NPY2R: variants seen among roughly 807,000 people sequenced by gnomAD.
The protein encoded by NPY2R is neuropeptide Y receptor Y2, also known as neuropeptide Y receptor type 2.
A neutral mutation model predicts 22.3 loss-of-function variants in NPY2R; 17 were observed. That is an observed-to-expected ratio of 0.76 (90% confidence interval 0.52 to 1.14). The LOEUF is 1.14. Ranked by LOEUF, NPY2R falls within the 50% of genes most tolerant of loss-of-function variation. The pLI is 0.00. For missense variants in NPY2R, 424 were observed against 467.9 expected (o/e 0.91, Z 0.87); for synonymous variants, 209 against 183.4 (o/e 1.14, Z -1.13).
the NPY2R span, among the ~76,000 whole-genome samples, chr4:155,185,350 T>A: frequency 6.6e-6 from 1 of 152,160 alleles, no homozygotes; most frequent in Non-Finnish European, 1.5e-5. Context: ...CATATATTTT[T>A]AATAAAAATT....
At chr4:155,181,672 C>A in the NPY2R span, among the ~76,000 whole-genome samples, 88 of 152,276 alleles carry the variant, frequency 5.8e-4, no homozygotes, top group South Asian at 1.5e-3. Flanking sequence ...CACTTATGCA[C>A]CAGAAAGTGG....
At position 155,215,961 on chromosome 4, in the gene NPY2R, A is replaced by G. The variant is rs755020232; in HGVS notation, c.*876A>G. 23 of 167,108 alleles carry G rather than the reference A, an allele frequency of 1.4e-4. No individual in the cohort carries two copies. Among genetic ancestry groups the G allele is most frequent in the Admixed American group, 2.6e-4 (4 of 15,288 alleles). 10.4% of individuals were successfully genotyped at this position (167,108 alleles called of 1,614,324 possible). On this transcript the variant is annotated 3_prime_UTR_variant, in exon 2 of 2. Coordinates refer to ENST00000329476, the MANE Select transcript of NPY2R (RefSeq NM_000910.4). ...TGGAGCTAAGTTTGTCTACACTAAA[A>G]TTTAAATCAGACTAGAGAATAATTT...
At chr4:155,186,424 A>G in the NPY2R span, among the ~76,000 whole-genome samples, 2 of 152,178 alleles carry the variant, frequency 1.3e-5, no homozygotes, top group Non-Finnish European at 2.9e-5. Flanking sequence ...AAAAAGCCAT[A>G]TAGCTGTGTT....
the NPY2R span, among the ~76,000 whole-genome samples, chr4:155,188,420 T>G: frequency 6.6e-6 from 1 of 152,158 alleles, no homozygotes; most frequent in Non-Finnish European, 1.5e-5. Flanking sequence ...AGGTGCATTG[T>G]CTGTAGACTC....
At chr4:155,191,429 C>A in the NPY2R span, among the ~76,000 whole-genome samples, 1 of 151,896 alleles carries the variant, frequency 6.6e-6, no homozygotes, top group Admixed American at 6.6e-5. Context: ...AACCAGAAGA[C>A]TTTTCTTTCT....
At chr4:155,180,182 A>G in the NPY2R span, among the ~76,000 whole-genome samples, 1 of 151,976 alleles carries the variant, frequency 6.6e-6, no homozygotes, top group African/African-American at 2.4e-5. Context: ...AGCCTCCCAA[A>G]GAGCTAGAAT....
At chr4:155,174,486 T>TATATATATATATATATATATATATATATA in the NPY2R span, among the ~76,000 whole-genome samples, 16 of 68,660 alleles carry the variant, frequency 2.3e-4, no homozygotes, top group African/African-American at 1.3e-3. Flanking sequence ...ATATATATAT[T>TATATATATATATATATATATATATATATA]TTTTTTTTTA....
At chr4:155,193,420 T>C in the NPY2R span, among the ~76,000 whole-genome samples, 1 of 151,884 alleles carries the variant, frequency 6.6e-6, no homozygotes, top group African/African-American at 2.4e-5. Context: ...TGTGAGCCAT[T>C]ATTTATCCAA....
the NPY2R span, among the ~76,000 whole-genome samples, chr4:155,191,086 G>A: frequency 2.0e-5 from 3 of 151,760 alleles, no homozygotes; most frequent in Non-Finnish European, 4.4e-5. Context: ...ATGTTCAATT[G>A]GAAATGATAA....
At chr4:155,210,132 G>C (rs1056805177) in intron 1 of NPY2R, among the ~76,000 whole-genome samples, 1 of 152,120 alleles carries the variant, frequency 6.6e-6, no homozygotes, top group African/African-American at 2.4e-5. Flanking sequence ...TCTGCTTGCT[G>C]TTTCCTTTGT....
rs747682306 is a variant in NPY2R at position 155,213,945 on chromosome 4, T to C, written c.6T>C (p.Gly2=). 3.1e-6 allele frequency: 5 copies of C among 1,613,732 alleles called. No individual in the cohort carries two copies. The South Asian group carries it at 3.3e-5, about 11-fold the overall frequency. The change falls in exon 2 of 2, where the codon GGT becomes GGC. Residue 2 remains glycine (G), a synonymous_variant. Transcript: ENST00000329476. M[G]PIGAEADENQ... ...CAAGTGGACCTGTACTGAAAATGGG[T>C]CCAATAGGTGCAGAGGCTGATGAGA...
the NPY2R span, among the ~76,000 whole-genome samples, chr4:155,177,307 T>C: frequency 3.3e-5 from 5 of 152,166 alleles, no homozygotes; most frequent in Non-Finnish European, 7.4e-5. Flanking sequence ...GCTCCCAAAA[T>C]ACAAATAGCT....
the NPY2R span, among the ~76,000 whole-genome samples, chr4:155,199,459 C>T: frequency 4.6e-5 from 7 of 151,898 alleles, no homozygotes; most frequent in Non-Finnish European, 8.8e-5. Context: ...TTTATAGATT[C>T]GATGCTATTC....
the NPY2R span, among the ~76,000 whole-genome samples, chr4:155,201,676 T>C: frequency 6.6e-6 from 1 of 152,138 alleles, no homozygotes; most frequent in African/African-American, 2.4e-5. Flanking sequence ...TCAGTTGACT[T>C]GCCAGGTTAA....
At chr4:155,186,302 A>G in the NPY2R span, among the ~76,000 whole-genome samples, 1 of 152,166 alleles carries the variant, frequency 6.6e-6, no homozygotes, top group Admixed American at 6.6e-5. Flanking sequence ...CATAATGATA[A>G]ATCATATTTT....
chr4:155,192,794 A>G, the NPY2R span, among the ~76,000 whole-genome samples: 161 of 152,072 alleles, frequency 1.1e-3, no homozygotes, highest in African/African-American at 3.6e-3. Flanking sequence ...CCAAACCTCA[A>G]GACAGCTAGT....
At chr4:155,207,731 A>T (rs1241358056), upstream of NPY2R, 1 of 152,292 alleles carries the variant, frequency 6.6e-6, no homozygotes. Flanking sequence ...AGGAGACAGG[A>T]GCGAGTATTC....
chr4:155,180,246 A>G, the NPY2R span, among the ~76,000 whole-genome samples: 1 of 152,130 alleles, frequency 6.6e-6, no homozygotes, highest in African/African-American at 2.4e-5. Context: ...ACATGGAAGC[A>G]GAAATGCTGC....
chr4:155,193,926 T>C, the NPY2R span, among the ~76,000 whole-genome samples: 18 of 151,872 alleles, frequency 1.2e-4, no homozygotes, highest in East Asian at 5.8e-4. Context: ...TAGGTATTCA[T>C]CAAAGTGTAA....
Sources: gnomAD v4.1 joint callset for allele counts (sites outside exome capture counted in the v4.1 genomes callset) on GRCh38, gnomAD v4.1.1 for gene constraint, MANE v1.5 for transcripts, NCBI Gene and HGNC (gene_info 2026-07-23, HGNC 2026-07-21) for gene names.